The following MARCHF1 variants were observed in gnomAD, a reference collection of about 807,000 sequenced individuals.
MARCHF1 encodes membrane associated ring-CH-type finger 1.
A neutral mutation model predicts 54.2 loss-of-function variants in MARCHF1; 40 were observed. That is an observed-to-expected ratio of 0.74 (90% CI 0.57 to 0.96). The LOEUF (loss-of-function observed/expected upper bound fraction) is 0.96. MARCHF1 is among the 40% of genes least tolerant of loss of function. MARCHF1 has a pLI of 0.00. For synonymous variants in MARCHF1, 236 were observed against 236.3 expected (o/e 1.00, Z 0.01); for missense variants, 586 against 656.5 (o/e 0.89, Z 1.17).
At chr4:163,594,680 T>C (rs1740701598) in intron 7 of MARCHF1, among the ~76,000 whole-genome samples, 1 of 151,222 alleles carries the variant, frequency 6.6e-6, no homozygotes, top group African/African-American at 2.4e-5. Context: ...TCAAAATCAC[T>C]AATCATCAGG....
chr4:163,549,999 C>T (rs939405297), intron 8 of MARCHF1, among the ~76,000 whole-genome samples: 2 of 152,092 alleles, frequency 1.3e-5, no homozygotes, highest in African/African-American at 4.8e-5. Context: ...CATAAAAATG[C>T]AGGCCGGGCG....
intron 1 of MARCHF1, among the ~76,000 whole-genome samples, chr4:164,320,496 C>G (rs1218577544): frequency 6.6e-6 from 1 of 152,164 alleles, no homozygotes; most frequent in Non-Finnish European, 1.5e-5. Context: ...ACTTGCCAGT[C>G]TCCACACACA....
intron 4 of MARCHF1, among the ~76,000 whole-genome samples, chr4:163,827,987 T>G (rs1748900087): frequency 6.9e-6 from 1 of 144,030 alleles, no homozygotes; most frequent in African/African-American, 2.6e-5. Context: ...GATATGAACA[T>G]CCTCCCTCCA....
At chr4:163,615,247 C>T (rs1449442181) in intron 5 of MARCHF1, among the ~76,000 whole-genome samples, 1 of 151,970 alleles carries the variant, frequency 6.6e-6, no homozygotes, top group Non-Finnish European at 1.5e-5. Flanking sequence ...AGGTAACGAT[C>T]CAGCTAATCT....
intron 5 of MARCHF1, among the ~76,000 whole-genome samples, chr4:163,653,861 T>C (rs1743053344): frequency 2.0e-5 from 3 of 151,682 alleles, no homozygotes; most frequent in African/African-American, 4.8e-5. Context: ...GTTGGATATA[T>C]AATATTGGAG....
chr4:163,573,328 A>AT (rs1313386148), intron 8 of MARCHF1, among the ~76,000 whole-genome samples: 1 of 142,040 alleles, frequency 7.0e-6, no homozygotes, highest in African/African-American at 2.7e-5. Context: ...TATTATTATT[A>AT]TACTTTAAGT....
chr4:163,992,860 G>C (rs1198244569), intron 2 of MARCHF1, among the ~76,000 whole-genome samples: 1 of 151,248 alleles, frequency 6.6e-6, no homozygotes, highest in Non-Finnish European at 1.5e-5. Flanking sequence ...AGAACCTTAA[G>C]TTATTTCTGA....
chr4:164,022,560 C>G (rs1177444578), intron 2 of MARCHF1, among the ~76,000 whole-genome samples: 1 of 152,228 alleles, frequency 6.6e-6, no homozygotes, highest in Non-Finnish European at 1.5e-5. Flanking sequence ...GGGATCCTAG[C>G]TAAAGGTCAC....
intron 8 of MARCHF1, among the ~76,000 whole-genome samples, chr4:163,577,576 AT>A (rs1456429167): frequency 6.6e-5 from 10 of 152,084 alleles, no homozygotes; most frequent in African/African-American, 2.4e-4. Context: ...ATTCATTTTG[AT>A]AGTATCTTGC....
chr4:163,935,155 A>C (rs534876824), intron 3 of MARCHF1, among the ~76,000 whole-genome samples: 1 of 152,244 alleles, frequency 6.6e-6, no homozygotes, highest in East Asian at 1.9e-4. Context: ...GTGTACAAGC[A>C]GAGTAGATTT....
chr4:163,704,994 C>T (rs1238085872), intron 4 of MARCHF1, among the ~76,000 whole-genome samples: 2 of 151,422 alleles, frequency 1.3e-5, no homozygotes, highest in East Asian at 1.9e-4. Context: ...AAAAAGAATG[C>T]TACATGTAAC....
chr4:163,972,404 G>T (rs2110841887), intron 3 of MARCHF1, among the ~76,000 whole-genome samples: 1 of 152,114 alleles, frequency 6.6e-6, no homozygotes, highest in Non-Finnish European at 1.5e-5. Context: ...ACAAGGGAAA[G>T]AATGCTGCCA....
chr4:164,069,039 C>T (rs923748085), intron 2 of MARCHF1, among the ~76,000 whole-genome samples: 2 of 152,084 alleles, frequency 1.3e-5, no homozygotes, highest in East Asian at 1.9e-4. Flanking sequence ...ATGCACCAAC[C>T]GGCACTCTGT....
intron 5 of MARCHF1, among the ~76,000 whole-genome samples, chr4:163,626,700 G>A (rs1379709243): frequency 3.9e-5 from 6 of 152,088 alleles, no homozygotes; most frequent in African/African-American, 7.2e-5. Context: ...AGGCCGAGGC[G>A]GGTGGATCAT....
At chr4:164,211,673 T>C (rs1731778605) in intron 1 of MARCHF1, among the ~76,000 whole-genome samples, 1 of 152,038 alleles carries the variant, frequency 6.6e-6, no homozygotes, top group Non-Finnish European at 1.5e-5. Context: ...CCTCATGTTC[T>C]TATATTGGCC....
intron 6 of MARCHF1, 100 bp downstream of exon 6, chr4:163,613,214 T>C (rs1741405253): frequency 2.9e-6 from 4 of 1,375,706 alleles, no homozygotes; most frequent in Admixed American, 2.4e-5. Flanking sequence ...CTATGGACCA[T>C]GTAAAGCAGA....
chr4:163,673,411 TA>T (rs1358143730), intron 5 of MARCHF1, among the ~76,000 whole-genome samples: 28 of 152,216 alleles, frequency 1.8e-4, no homozygotes, highest in Non-Finnish European at 3.4e-4. Flanking sequence ...ACTAGGCTTT[TA>T]TTTTGTTATT....
At chr4:163,683,974 C>A (rs72993112) in intron 5 of MARCHF1, among the ~76,000 whole-genome samples, 1,964 of 152,210 alleles carry the variant, frequency 0.013, 47 homozygotes, top group African/African-American at 0.043. Context: ...AGCTGAAGCT[C>A]CTTGGGCATC....
At chr4:164,295,779 G>C (rs1734395220) in intron 1 of MARCHF1, among the ~76,000 whole-genome samples, 1 of 152,112 alleles carries the variant, frequency 6.6e-6, no homozygotes, top group South Asian at 2.1e-4. Flanking sequence ...ATAAAAGTAA[G>C]AAGACCAGGT....
Sources: gnomAD v4.1 joint callset for allele counts (sites outside exome capture counted in the v4.1 genomes callset) on GRCh38, gnomAD v4.1.1 for gene constraint, MANE v1.5 for transcripts, NCBI Gene and HGNC (gene_info 2026-07-23, HGNC 2026-07-21) for gene names.